The following COBLL1 variants were observed in gnomAD, a reference collection of about 807,000 sequenced individuals.
COBLL1 encodes cordon-bleu protein-like 1.
COBLL1 carries 50 observed loss-of-function variants against 94.8 expected under a neutral mutation model. That is an observed-to-expected ratio of 0.53 (90% CI 0.42 to 0.67). COBLL1 has a LOEUF of 0.67. COBLL1 is among the 30% of genes least tolerant of loss of function. COBLL1 has a pLI of 0.00. For missense variants in COBLL1, 1,362 were observed against 1,348.7 expected, an observed-to-expected ratio of 1.01 and a Z score of -0.15; for synonymous variants, 448 against 473.8, an observed-to-expected ratio of 0.95 and a Z score of 0.71.
intron 2 of COBLL1, among the ~76,000 whole-genome samples, chr2:164,793,414 A>C (rs564522025): frequency 6.6e-6 from 1 of 152,116 alleles, no homozygotes; most frequent in Non-Finnish European, 1.5e-5. Context: ...AAATCTCATA[A>C]ATTTAATTCT....
chr2:164,734,216 CA>C (rs60971315), intron 3 of COBLL1, among the ~76,000 whole-genome samples: 4,107 of 120,392 alleles, frequency 0.034, 140 homozygotes, highest in African/African-American at 0.1. Context: ...CATGCTCTGA[CA>C]AAAAAAAAAA....
At chr2:164,699,546 C>CACACAT in intron 10 of COBLL1, 47 bp from the exon 11 acceptor site, 1 of 990,218 alleles carries the variant, frequency 1.0e-6, no homozygotes, top group Non-Finnish European at 1.6e-6. Flanking sequence ...TATTGAAACA[C>CACACAT]ACACATACAC....
chr2:164,771,316 G>A (rs1324743255), intron 2 of COBLL1, among the ~76,000 whole-genome samples: 2 of 151,822 alleles, frequency 1.3e-5, no homozygotes, highest in Non-Finnish European at 2.9e-5. Flanking sequence ...AAACACACAT[G>A]TAACACGTAA....
intron 2 of COBLL1, among the ~76,000 whole-genome samples, chr2:164,786,567 C>T (rs1378470019): frequency 6.6e-6 from 1 of 152,084 alleles, no homozygotes; most frequent in Non-Finnish European, 1.5e-5. Context: ...GGAGAAGAAG[C>T]TCAAACAACA....
downstream of COBLL1, among the ~76,000 whole-genome samples, chr2:164,676,387 G>A (rs1296245220): frequency 6.6e-6 from 1 of 152,090 alleles, no homozygotes; most frequent in Non-Finnish European, 1.5e-5. Context: ...TATTTGCAGA[G>A]TCTCAGCTTT....
chr2:164,661,795 G>A (rs1404790457), intron 2 of COBLL1, among the ~76,000 whole-genome samples: 2 of 152,134 alleles, frequency 1.3e-5, no homozygotes, highest in Non-Finnish European at 1.5e-5. Flanking sequence ...ATTACTTCAA[G>A]TAAAGCCATA....
At position 164,781,125 on chromosome 2, in the gene COBLL1, AAAGT is replaced by A. The variant is rs1158449262; in HGVS notation, c.42-37254_42-37251del. 6.6e-5 allele frequency among the ~76,000 whole-genome samples: 10 copies of A among 152,346 alleles called. No individual in the cohort carries two copies. In the East Asian group the frequency reaches 1.5e-3, roughly 24 times the overall value. On this transcript the variant is annotated intron_variant, in intron 2 of 13. Coordinates refer to ENST00000652658, the MANE Select transcript of COBLL1 (RefSeq NM_001365672.2). ...TACTGCTTCAAAATCAAAAACACAA[AAAGT>A]AAGATTCAATACCTTTTACATACAT...
intron 2 of COBLL1, among the ~76,000 whole-genome samples, chr2:164,787,847 C>T (rs1041768506): frequency 6.6e-6 from 1 of 152,196 alleles, no homozygotes; most frequent in Non-Finnish European, 1.5e-5. Flanking sequence ...AACGTAAACC[C>T]TGCAAAATTA....
intron 3 of COBLL1, among the ~76,000 whole-genome samples, chr2:164,737,112 T>G (rs559173391): frequency 6.6e-6 from 1 of 152,090 alleles, no homozygotes; most frequent in Non-Finnish European, 1.5e-5. Context: ...CAGTGAGCTA[T>G]GATTACACCA....
At chr2:164,733,349 A>G (rs1006876621) in intron 3 of COBLL1, among the ~76,000 whole-genome samples, 1 of 152,146 alleles carries the variant, frequency 6.6e-6, no homozygotes, top group African/African-American at 2.4e-5. Context: ...TTTACACACT[A>G]TATCAGATAT....
intron 2 of COBLL1, among the ~76,000 whole-genome samples, chr2:164,774,067 ATCTT>A (rs1688344325): frequency 1.3e-5 from 2 of 152,148 alleles, no homozygotes; most frequent in African/African-American, 4.8e-5. Context: ...CATATACAAA[ATCTT>A]TAATTATCTT....
At chr2:164,752,213 C>T (rs540540374) in intron 2 of COBLL1, among the ~76,000 whole-genome samples, 2 of 152,244 alleles carry the variant, frequency 1.3e-5, no homozygotes, top group East Asian at 3.9e-4. Flanking sequence ...TGCACTAACT[C>T]GTGTCCTTAC....
intron 2 of COBLL1, among the ~76,000 whole-genome samples, chr2:164,658,254 CT>C (rs1354352727): frequency 1.3e-5 from 2 of 152,146 alleles, no homozygotes; most frequent in African/African-American, 4.8e-5. Context: ...TCAGTCCCCC[CT>C]CTCAACAGGA....
At chr2:164,827,137 C>T (rs752736954) in intron 2 of COBLL1, among the ~76,000 whole-genome samples, 11 of 151,892 alleles carry the variant, frequency 7.2e-5, no homozygotes, top group Non-Finnish European at 1.2e-4. Flanking sequence ...TTAGTAGAGA[C>T]GGGGATTCCC....
At chr2:164,802,945 C>T (rs1305506761) in intron 2 of COBLL1, among the ~76,000 whole-genome samples, 3 of 152,150 alleles carry the variant, frequency 2.0e-5, no homozygotes, top group African/African-American at 4.8e-5. Flanking sequence ...GGTGACATAT[C>T]AGTGCTAAAT....
intron 7 of COBLL1, among the ~76,000 whole-genome samples, chr2:164,713,775 T>A (rs1184758269): frequency 1.3e-5 from 2 of 152,200 alleles, no homozygotes; most frequent in Non-Finnish European, 2.9e-5. Context: ...AAGATGTCAG[T>A]CAATGTTTTA....
rs1353452275 is a variant in COBLL1 at position 164,705,013 on chromosome 2, T to A, written c.1089A>T (p.Lys363Asn). ...GTATTTTGGAGGGTGGGGAAGGTGC[T>A]TTTCGCTTTGTCCTTCTCAAAGATG... ...GNSSLRRTKRKAPSPPSKIPP... is the reference protein window; with the variant it reads ...GNSSLRRTKRNAPSPPSKIPP... Residue 363 changes from lysine to asparagine, a missense_variant, in exon 8 of 14, where the codon AAA (lysine) becomes AAT (asparagine). By Grantham distance (94) the Lys-to-Asn change is moderately conservative. Coordinates refer to ENST00000652658, the MANE Select transcript of COBLL1 (RefSeq NM_001365672.2). 1 of 1,605,524 alleles carries A rather than the reference T, an allele frequency of 6.2e-7. No homozygotes were observed. Among genetic ancestry groups the A allele is most frequent in the Admixed American group, 1.7e-5 (1 of 58,526 alleles).
At chr2:164,820,252 C>CAAGTGTTTTGT in intron 2 of COBLL1, among the ~76,000 whole-genome samples, 1 of 152,172 alleles carries the variant, frequency 6.6e-6, no homozygotes, top group African/African-American at 2.4e-5. Flanking sequence ...CAAGGTCTCA[C>CAAGTGTTTTGT]TCTGTTGCCC....
intron 2 of COBLL1, among the ~76,000 whole-genome samples, chr2:164,793,689 C>T (rs1683301865): frequency 6.6e-6 from 1 of 152,108 alleles, no homozygotes; most frequent in South Asian, 2.1e-4. Flanking sequence ...CCAATATTAA[C>T]AGGTCCCCAT....
Sources: allele counts gnomAD v4.1 joint callset (sites outside exome capture counted in the v4.1 genomes callset), GRCh38; gene constraint gnomAD v4.1.1; transcripts MANE v1.5; gene names NCBI Gene and HGNC (gene_info 2026-07-23, HGNC 2026-07-21).